The following EBF2 variants were observed in gnomAD, a reference collection of about 807,000 sequenced individuals.
EBF2 encodes EBF transcription factor 2, also known as transcription factor COE2.
A neutral mutation model predicts 72.8 loss-of-function variants in EBF2; 21 were observed. The observed-to-expected ratio is 0.29, with a 90% CI of 0.20 to 0.42. EBF2 has a LOEUF of 0.42. Among genes scored for constraint, EBF2 ranks in the 10% least tolerant of loss-of-function variants. EBF2 has a pLI of 1.00. For missense variants in EBF2, 637 were observed against 731.2 expected, an observed-to-expected ratio of 0.87 and a Z score of 1.49; for synonymous variants, 299 against 274.2, an observed-to-expected ratio of 1.09 and a Z score of -0.89.
At chr8:25,885,550 C>A (rs1050767577) in intron 10 of EBF2, among the ~76,000 whole-genome samples, 2 of 152,180 alleles carry the variant, frequency 1.3e-5, no homozygotes, top group African/African-American at 4.8e-5. Flanking sequence ...CCACCCAAAT[C>A]TCATCTTGAA....
chr8:25,895,923 ATGTGTGTGTGTGTGTG>A lies in EBF2; in HGVS notation c.634-6070_634-6055del, dbSNP rs71868613. On this transcript the variant is annotated intron_variant, in intron 7 of 15. Coordinates refer to ENST00000520164, the MANE Select transcript of EBF2 (RefSeq NM_022659.4). ...TGGCTTTTTGGAACACCGTGTGTGT[ATGTGTGTGTGTGTGTG>A]TGTGTGTGTGTGTGTTTTAAGTACT... 4.1e-3 allele frequency among the ~76,000 whole-genome samples: 608 copies of A among 149,722 alleles called. 5 individuals are homozygous for A. The highest frequency in any genetic ancestry group is 0.014 in the African/African-American group (580 of 40,930).
chr8:25,924,549 A>G (rs1314037647), intron 6 of EBF2, among the ~76,000 whole-genome samples: 1 of 152,208 alleles, frequency 6.6e-6, no homozygotes. Flanking sequence ...GAAGGAATCC[A>G]TGTTCTGTAT....
intron 6 of EBF2, among the ~76,000 whole-genome samples, chr8:26,029,608 G>C (rs1563213509): frequency 6.6e-6 from 1 of 152,186 alleles, no homozygotes; most frequent in South Asian, 2.1e-4. Context: ...AGCCAGAGTG[G>C]AGTGTGCCTG....
At chr8:26,020,269 C>T (rs935204631) in intron 6 of EBF2, among the ~76,000 whole-genome samples, 2 of 152,162 alleles carry the variant, frequency 1.3e-5, no homozygotes, top group Non-Finnish European at 2.9e-5. Flanking sequence ...GGGGAAGGAG[C>T]TTTATGAACA....
intron 15 of EBF2, among the ~76,000 whole-genome samples, chr8:25,849,759 G>C (rs1801921540): frequency 6.6e-6 from 1 of 152,080 alleles, no homozygotes; most frequent in Admixed American, 6.6e-5. Flanking sequence ...TGGGTTTGAT[G>C]GATAACTTTT....
intron 10 of EBF2, among the ~76,000 whole-genome samples, chr8:25,873,073 C>T (rs961020170): frequency 1.3e-5 from 2 of 152,204 alleles, no homozygotes; most frequent in Admixed American, 6.5e-5. Context: ...GTCTATTTGT[C>T]TCCCTTCTGC....
At chr8:25,985,337 A>G (rs1245610547) in intron 6 of EBF2, among the ~76,000 whole-genome samples, 1 of 152,228 alleles carries the variant, frequency 6.6e-6, no homozygotes, top group Non-Finnish European at 1.5e-5. Context: ...TGATATCCAC[A>G]TAAAATTTCC....
chr8:26,028,571 C>T (rs1805341967), intron 6 of EBF2, among the ~76,000 whole-genome samples: 1 of 152,202 alleles, frequency 6.6e-6, no homozygotes, highest in South Asian at 2.1e-4. Context: ...CCCTAAAGTC[C>T]TCTTCTCACA....
intron 6 of EBF2, among the ~76,000 whole-genome samples, chr8:25,942,225 C>T (rs755990376): frequency 6.6e-6 from 1 of 152,222 alleles, no homozygotes; most frequent in Non-Finnish European, 1.5e-5. Context: ...TAAAATCTAC[C>T]TCCAGCAACC....
chr8:25,887,944 C>A lies in EBF2; in HGVS notation c.780G>T (p.Pro260=). 1 of 1,613,538 alleles carries A rather than the reference C, an allele frequency of 6.2e-7. No individual in the cohort carries two copies. Residue 260 remains proline (P), a synonymous_variant, in exon 9 of 16, where the codon CCG becomes CCT. Transcript: ENST00000520164. ...EATPCIKAIS[P]SEGWTTGGAM... is the part of the protein sequence containing the mutation. ...CTCCTCCTGTGGTCCAGCCTTCACT[C>A]GGGCTAATGGCTTTGATGCAGGGGG...
At chr8:25,952,129 CA>C (rs986994041) in intron 6 of EBF2, among the ~76,000 whole-genome samples, 8 of 150,794 alleles carry the variant, frequency 5.3e-5, no homozygotes, top group Admixed American at 1.3e-4. Flanking sequence ...CGTGTATCTA[CA>C]AAAAAAAATT....
At chr8:25,934,910 C>G (rs913355926) in intron 6 of EBF2, among the ~76,000 whole-genome samples, 1 of 152,092 alleles carries the variant, frequency 6.6e-6, no homozygotes, top group Non-Finnish European at 1.5e-5. Flanking sequence ...ACTAGTACCA[C>G]CAGGCTTTGC....
At chr8:25,962,981 T>G (rs1804059025) in intron 6 of EBF2, among the ~76,000 whole-genome samples, 1 of 152,236 alleles carries the variant, frequency 6.6e-6, no homozygotes, top group Admixed American at 6.5e-5. Context: ...CTCCCTCATG[T>G]GCTCTTCTGG....
In EBF2 at chr8:26,044,821, A is replaced by T; in HGVS notation, c.39T>A (p.Thr13=). The change falls in exon 1 of 16, where the codon ACT becomes ACA. Residue 13 remains threonine, a synonymous_variant. Coordinates refer to ENST00000520164, the MANE Select transcript of EBF2 (RefSeq NM_022659.4). This position sits in a 1 kb window ranked among gnomAD's most constrained non-coding sequence, Gnocchi z 4.1. ...GIQDTLGRGP[T]LKEKSLGAEM... ...CCGCGCCCAGCGATTTCTCTTTCAG[A>T]GTTGGTCCTCTTCCTAAAGTATCTT... 10 of 1,614,124 alleles carry T rather than the reference A, an allele frequency of 6.2e-6. No homozygotes were observed. Among genetic ancestry groups the T allele is most frequent in the Non-Finnish European group, 8.5e-6 (10 of 1,180,024 alleles).
chr8:25,975,421 T>A (rs887209976), intron 6 of EBF2, among the ~76,000 whole-genome samples: 1 of 152,188 alleles, frequency 6.6e-6, no homozygotes, highest in Non-Finnish European at 1.5e-5. Flanking sequence ...TTCTTATCAC[T>A]TCTTCAGGAT....
rs142918227 is a variant in EBF2, at chr8:25,877,228, C to T, written c.1009+9527G>A. Among the ~76,000 whole-genome samples the T allele has an allele frequency of 3.9e-5, 6 of 152,322 alleles. No homozygotes were observed. The East Asian group carries it at 7.7e-4, about 20-fold the overall frequency. ...AGACAGCCAAGAAGTCCCTGAACAACCAGTCACTGTGGTTCTGTTGGGTGC... is the reference window on the plus strand; with the variant it reads ...AGACAGCCAAGAAGTCCCTGAACAATCAGTCACTGTGGTTCTGTTGGGTGC... On this transcript the variant is annotated intron_variant, in intron 10 of 15. Transcript: ENST00000520164.
chr8:25,916,611 C>T lies in EBF2; in HGVS notation c.552-8056G>A, dbSNP rs374407454. On this transcript the variant is annotated intron_variant, in intron 6 of 15. Coordinates refer to ENST00000520164, the MANE Select transcript of EBF2 (RefSeq NM_022659.4). The stretch of plus-strand genomic sequence containing the variant: ...AATATATACTACACTGGAAGAACTT[C>T]CCTTAATTTTTAAGAGAGAGATAGT... Among the ~76,000 whole-genome samples, 3 of 152,196 alleles carry T rather than the reference C, an allele frequency of 2.0e-5. No individual in the cohort carries two copies. The East Asian group carries it at 5.8e-4, about 29-fold the overall frequency.
At chr8:25,907,995 T>A (rs1803067271) in intron 7 of EBF2, among the ~76,000 whole-genome samples, 1 of 152,234 alleles carries the variant, frequency 6.6e-6, no homozygotes, top group African/African-American at 2.4e-5. Flanking sequence ...CCCGTGGGTC[T>A]TGTTGTCACG....
chr8:26,018,626 G>A (rs919074953), intron 6 of EBF2, among the ~76,000 whole-genome samples: 1 of 151,598 alleles, frequency 6.6e-6, no homozygotes, highest in African/African-American at 2.4e-5. Flanking sequence ...AGCCGAGATT[G>A]TGCCACTGCA....
Sources: gnomAD v4.1 joint callset for allele counts (sites outside exome capture counted in the v4.1 genomes callset) on GRCh38, gnomAD v4.1.1 for gene constraint, Gnocchi (gnomAD v3.1) non-coding constraint, MANE v1.5 for transcripts, NCBI Gene and HGNC (gene_info 2026-07-23, HGNC 2026-07-21) for gene names.